The following CRABP1 variants were observed in gnomAD, a reference collection of about 807,000 sequenced individuals.
The protein encoded by CRABP1 is cellular retinoic acid binding protein 1, also known as cellular retinoic acid-binding protein 1.
In CRABP1, 9 loss-of-function variants were observed where a neutral mutation model predicts 16.4. The ratio of observed to expected loss-of-function variants is 0.55; its 90% confidence interval spans 0.33 to 0.96. The LOEUF is 0.96. Among genes scored for constraint, CRABP1 ranks in the 40% least tolerant of loss-of-function variants. The pLI is 0.03. For synonymous variants in CRABP1, 72 were observed against 70.4 expected, an observed-to-expected ratio of 1.02 and a Z score of -0.11; for missense variants, 157 against 186.0, an observed-to-expected ratio of 0.84 and a Z score of 0.91.
At position 78,341,543 on chromosome 15, in the gene CRABP1, G is replaced by A; in HGVS notation, c.249+322G>A. 2.8e-6 allele frequency: 1 copy of A among 352,466 alleles called. No individual in the cohort carries two copies. Among genetic ancestry groups the A allele is most frequent in the Non-Finnish European group, 5.5e-6 (1 of 182,136 alleles). The allele number at this position is 352,466 out of a possible 1,614,324, so 21.8% of individuals were successfully genotyped here. ...GTTTGCAGCGCCAAGCGCAGGCGGCGCAGGAGGAGGAGGAGGTTGCAGGAG... is the reference window on the plus strand; with the variant it reads ...GTTTGCAGCGCCAAGCGCAGGCGGCACAGGAGGAGGAGGAGGTTGCAGGAG... On this transcript the variant is annotated intron_variant, in intron 2 of 3. Transcript: ENST00000299529. The surrounding 1 kb of genome is among the most constrained non-coding windows in gnomAD (Gnocchi z 5.3).
At chr15:78,347,839 G>T (rs2050274963) in intron 3 of CRABP1, 88 bp from the exon 4 acceptor site, 1 of 1,175,102 alleles carries the variant, frequency 8.5e-7, no homozygotes, top group East Asian at 2.3e-5. Flanking sequence ...TTTTAACAGG[G>T]CAATAAGTGG....
At chr15:78,345,589 A>C (rs1478378663) in intron 3 of CRABP1, among the ~76,000 whole-genome samples, 1 of 151,832 alleles carries the variant, frequency 6.6e-6, no homozygotes, top group Non-Finnish European at 1.5e-5. Context: ...TGATTTTATT[A>C]ACCTCTGTAG....
chr15:78,346,219 C>T (rs534705801), intron 3 of CRABP1, among the ~76,000 whole-genome samples: 23 of 152,304 alleles, frequency 1.5e-4, no homozygotes, highest in African/African-American at 5.5e-4. Context: ...CTGAGGCGTC[C>T]AGACATCTGC....
intron 3 of CRABP1, among the ~76,000 whole-genome samples, chr15:78,346,519 AT>A (rs1262105408): frequency 2.0e-5 from 3 of 152,174 alleles, no homozygotes; most frequent in African/African-American, 7.2e-5. Flanking sequence ...ATACCCAAAA[AT>A]TAGCTGGGCA....
chr15:78,347,787 C>T (rs1337255552), intron 3 of CRABP1, 140 bp from the exon 4 acceptor site: 1 of 779,368 alleles, frequency 1.3e-6, no homozygotes, highest in East Asian at 2.5e-5. Context: ...AATGCTTAGC[C>T]TGAGCACACA....
chr15:78,341,126 T>A lies in CRABP1; in HGVS notation c.154T>A (p.Tyr52Asn). ...VEIRQDGDQF[Y>N]IKTSTTVRTT... ...GATCCGCCAGGACGGGGATCAGTTC[T>A]ACATCAAGACATCCACCACGGTGCG... The change falls in exon 2 of 4, where the codon TAC becomes AAC. Residue 52 changes from tyrosine to asparagine, a missense_variant. By Grantham distance (143) the Tyr-to-Asn change is moderately radical (BLOSUM62 -2). Transcript: ENST00000299529. This position sits in a 1 kb window ranked among gnomAD's most constrained non-coding sequence, Gnocchi z 5.3. 1 of 1,613,126 alleles carries A rather than the reference T, an allele frequency of 6.2e-7. No individual in the cohort carries two copies. Among genetic ancestry groups the A allele is most frequent in the Non-Finnish European group, 8.5e-7 (1 of 1,179,716 alleles).
chr15:78,341,108 C>G lies in CRABP1; in HGVS notation c.136C>G (p.Gln46Glu), dbSNP rs759100516. The G allele has an allele frequency of 2.5e-6, 4 of 1,613,036 alleles. No homozygotes were observed. Among genetic ancestry groups the G allele is most frequent in the Non-Finnish European group, 3.4e-6 (4 of 1,179,824 alleles). ...GTCCAAGCCGCACGTGGAGATCCGC[C>G]AGGACGGGGATCAGTTCTACATCAA... ...AASKPHVEIR[Q>E]DGDQFYIKTS... Residue 46 changes from glutamine (Q) to glutamate (E), a missense_variant, in exon 2 of 4, where the codon CAG becomes GAG. Gln to Glu is a conservative substitution (Grantham distance 29). Coordinates refer to ENST00000299529, the MANE Select transcript of CRABP1 (RefSeq NM_004378.3). The surrounding 1 kb of genome is among the most constrained non-coding windows in gnomAD (Gnocchi z 5.3).
rs778328549 is a variant in CRABP1, at chr15:78,343,539, C to G, written c.290C>G (p.Thr97Arg). ...TWENENKIHC[T>R]QTLLEGDGPK... The stretch of plus-strand genomic sequence containing the variant: ...GAGAATGAGAACAAGATCCACTGCA[C>G]GCAAACTCTTCTTGAAGGGGACGGC... The change falls in exon 3 of 4, where the codon ACG (threonine) becomes AGG (arginine). Residue 97 changes from threonine to arginine, a missense_variant. Coordinates refer to ENST00000299529, the MANE Select transcript of CRABP1 (RefSeq NM_004378.3). 6 of 1,614,062 alleles carry G rather than the reference C, an allele frequency of 3.7e-6. No individual in the cohort carries two copies. Among genetic ancestry groups the G allele is most frequent in the East Asian group, 4.5e-5 (2 of 44,902 alleles).
At position 78,341,144 on chromosome 15, in the gene CRABP1, A is replaced by T. The variant is rs2050231479; in HGVS notation, c.172A>T (p.Thr58Ser). ...TCAGTTCTACATCAAGACATCCACCACGGTGCGCACCACTGAGATCAACTT... is the reference window on the plus strand; with the variant it reads ...TCAGTTCTACATCAAGACATCCACCTCGGTGCGCACCACTGAGATCAACTT... ...GDQFYIKTST[T>S]VRTTEINFKV... Residue 58 changes from threonine to serine, a missense_variant, in exon 2 of 4, where the codon ACG becomes TCG. By Grantham distance (58) the Thr-to-Ser change is moderately conservative (BLOSUM62 1). Transcript: ENST00000299529. This position sits in a 1 kb window ranked among gnomAD's most constrained non-coding sequence, Gnocchi z 5.3. 1 of 1,612,886 alleles carries T rather than the reference A, an allele frequency of 6.2e-7. No individual in the cohort carries two copies. The highest frequency in any genetic ancestry group is 8.5e-7 in the Non-Finnish European group (1 of 1,179,638).
intron 3 of CRABP1, among the ~76,000 whole-genome samples, chr15:78,345,165 T>C (rs2050258531): frequency 6.6e-6 from 1 of 152,330 alleles, no homozygotes; most frequent in African/African-American, 2.4e-5. Flanking sequence ...AGGCCTTCCC[T>C]TCCCAAGCTC....
chr15:78,347,527 C>G (rs1193892873), intron 3 of CRABP1, among the ~76,000 whole-genome samples: 1 of 152,186 alleles, frequency 6.6e-6, no homozygotes, highest in Non-Finnish European at 1.5e-5. Context: ...CTGGTGAGTG[C>G]TGGGCCTCAT....
chr15:78,344,221 G>A (rs183505749), intron 3 of CRABP1, among the ~76,000 whole-genome samples: 132 of 152,254 alleles, frequency 8.7e-4, no homozygotes, highest in African/African-American at 3.1e-3. Context: ...AGCATTCTGG[G>A]GGGCCAAAGC....
At chr15:78,344,649 G>T (rs924487685) in intron 3 of CRABP1, among the ~76,000 whole-genome samples, 2 of 151,520 alleles carry the variant, frequency 1.3e-5, no homozygotes, top group African/African-American at 2.4e-5. Context: ...ACAAAACTGG[G>T]CTGGGATTGG....
intron 3 of CRABP1, among the ~76,000 whole-genome samples, chr15:78,344,504 A>G (rs543444247): frequency 1.3e-5 from 2 of 152,116 alleles, no homozygotes; most frequent in East Asian, 3.9e-4. Flanking sequence ...ACCTGCTCCT[A>G]GCCAAACAAA....
chr15:78,343,541 C>T lies in CRABP1; in HGVS notation c.292C>T (p.Gln98Ter). The T allele has an allele frequency of 6.2e-7, 1 of 1,614,220 alleles. No homozygotes were observed. The highest frequency in any genetic ancestry group is 8.5e-7 in the Non-Finnish European group (1 of 1,180,042). ...WENENKIHCT[Q>*]TLLEGDGPKT... ...GAATGAGAACAAGATCCACTGCACGCAAACTCTTCTTGAAGGGGACGGCCC... is the reference window on the plus strand; with the variant it reads ...GAATGAGAACAAGATCCACTGCACGTAAACTCTTCTTGAAGGGGACGGCCC... Residue 98 changes from glutamine to a stop codon, truncating the protein, a stop_gained, in exon 3 of 4, where the codon CAA becomes TAA. Coordinates refer to ENST00000299529, the MANE Select transcript of CRABP1 (RefSeq NM_004378.3). LOFTEE classifies it high-confidence loss of function.
In CRABP1 at chr15:78,347,888, A is replaced by C. The variant is rs1429717378; in HGVS notation, c.364-39A>C. The stretch of plus-strand genomic sequence containing the variant: ...ATGCTTTAAACATTTTTGCACAGGC[A>C]TCTGCACTGATTGGTTTTCCTTTTC... On this transcript the variant is annotated intron_variant, in intron 3 of 3. Coordinates refer to ENST00000299529, the MANE Select transcript of CRABP1 (RefSeq NM_004378.3). The C allele has an allele frequency of 5.0e-6, 8 of 1,608,680 alleles. No individual in the cohort carries two copies. The Admixed American group carries it at 6.7e-5, about 13-fold the overall frequency.
At position 78,340,377 on chromosome 15, in the gene CRABP1, TGTGCCCGCTGCGCCGCCGCTGTCC is replaced by T. The variant is rs2050224678; in HGVS notation, c.-49_-26del. The stretch of plus-strand genomic sequence containing the variant: ...CAGTCTCCGCCTTGCGAGCTCAGAG[TGTGCCCGCTGCGCCGCCGCTGTCC>T]GTACCTGCCGCCGCCGCCACCGCCA... On this transcript the variant is annotated 5_prime_UTR_variant, in exon 1 of 4. Coordinates refer to ENST00000299529, the MANE Select transcript of CRABP1 (RefSeq NM_004378.3). 3 of 1,552,638 alleles carry T rather than the reference TGTGCCCGCTGCGCCGCCGCTGTCC, an allele frequency of 1.9e-6. No individual in the cohort carries two copies. Among genetic ancestry groups the T allele is most frequent in the South Asian group, 1.2e-5 (1 of 84,384 alleles).
At chr15:78,343,457 T>G in intron 2 of CRABP1, 42 bp from the exon 3 acceptor site, 13 of 1,488,362 alleles carry the variant, frequency 8.7e-6, no homozygotes, top group South Asian at 2.3e-5. Flanking sequence ...CTCCCGCTGC[T>G]GAGACTCTAA....
At position 78,340,510 on chromosome 15, in the gene CRABP1, C is replaced by G. The variant is rs1203392650; in HGVS notation, c.70+12C>G. 19 of 1,604,228 alleles carry G rather than the reference C, an allele frequency of 1.2e-5. No homozygotes were observed. Among genetic ancestry groups the G allele is most frequent in the Non-Finnish European group, 1.5e-5 (18 of 1,176,274 alleles). ...GCTCAAGGCACTGGGTAAGCTGGTGCAGAGGGCGCGCCCCGACGGGGAGAT... is the reference window on the plus strand; with the variant it reads ...GCTCAAGGCACTGGGTAAGCTGGTGGAGAGGGCGCGCCCCGACGGGGAGAT... On this transcript the variant is annotated intron_variant, in intron 1 of 3. Transcript: ENST00000299529.
Sources: gnomAD v4.1 joint callset for allele counts (sites outside exome capture counted in the v4.1 genomes callset) on GRCh38, gnomAD v4.1.1 for gene constraint, Gnocchi (gnomAD v3.1) non-coding constraint, MANE v1.5 for transcripts, NCBI Gene and HGNC (gene_info 2026-07-23, HGNC 2026-07-21) for gene names.